The following PCBP2 variants were observed in gnomAD, a reference collection of about 807,000 sequenced individuals.
The protein encoded by PCBP2 is poly(rC) binding protein 2.
PCBP2 carries 4 observed loss-of-function variants against 50.1 expected under a neutral mutation model. The observed-to-expected ratio is 0.08, with a 90% CI of 0.04 to 0.18. The LOEUF (loss-of-function observed/expected upper bound fraction) is 0.18, where lower values mean the gene tolerates loss of function less well. Among genes scored for constraint, PCBP2 ranks in the 10% least tolerant of loss-of-function variants. PCBP2 has a pLI of 1.00. For missense variants in PCBP2, 161 were observed against 474.3 expected (o/e 0.34, Z 6.14); for synonymous variants, 179 against 168.0 (o/e 1.07, Z -0.51).
intron 14 of PCBP2, among the ~76,000 whole-genome samples, chr12:53,473,685 A>G (rs1166828347): frequency 6.6e-6 from 1 of 152,158 alleles, no homozygotes; most frequent in Non-Finnish European, 1.5e-5. Context: ...AGCTTCATCT[A>G]ACACCAAAGC....
chr12:53,468,467 T>TAGACAG, intron 12 of PCBP2: 1 of 381,874 alleles, frequency 2.6e-6, no homozygotes, highest in East Asian at 5.2e-5. Context: ...AGGACTTGTT[T>TAGACAG]AGACATTGGT....
chr12:53,467,126 T>A, intron 10 of PCBP2, 95 bp from the exon 11 acceptor site: 1 of 855,662 alleles, frequency 1.2e-6, no homozygotes. Context: ...TAGAGTCAAT[T>A]TTGGGAATCA....
In PCBP2 at chr12:53,467,300, A is replaced by AT. The variant is rs1941891400; in HGVS notation, c.787+8dup. On this transcript the variant is annotated splice_region_variant and intron_variant, in intron 11 of 14. Coordinates refer to ENST00000546463, the MANE Select transcript of PCBP2 (RefSeq NM_031989.5). ...GGCAACACCGGATTCAGTGGTATGG[A>AT]TACCTCAGTGTTTATTTCTGTAAGG... is the stretch of plus-strand genomic sequence containing the variant. 2 of 1,607,100 alleles carry AT rather than the reference A, an allele frequency of 1.2e-6. No homozygotes were observed. The highest frequency in any genetic ancestry group is 4.5e-5 in the East Asian group (2 of 44,870).
intron 5 of PCBP2, among the ~76,000 whole-genome samples, chr12:53,457,998 G>C (rs900266121): frequency 6.6e-6 from 1 of 151,496 alleles, no homozygotes; most frequent in Non-Finnish European, 1.5e-5. Flanking sequence ...GTGGGTTCCC[G>C]GCTCACCGTA....
intron 4 of PCBP2, among the ~76,000 whole-genome samples, 175 bp from the exon 5 acceptor site, chr12:53,455,710 G>T (rs569196526): frequency 6.6e-6 from 1 of 152,200 alleles, no homozygotes; most frequent in East Asian, 1.9e-4. Flanking sequence ...AAGACTTAAG[G>T]CAGCTGCTGT....
chr12:53,463,653 A>G (rs1045611865), intron 8 of PCBP2, among the ~76,000 whole-genome samples: 17 of 152,262 alleles, frequency 1.1e-4, no homozygotes, highest in African/African-American at 3.9e-4. Flanking sequence ...TATGGGGGGA[A>G]TCCTAGGACT....
intron 7 of PCBP2, 93 bp downstream of exon 7, chr12:53,461,236 G>A (rs1160606748): frequency 2.1e-6 from 3 of 1,396,444 alleles, no homozygotes; most frequent in Admixed American, 4.0e-5. Context: ...ATTAAGTGAG[G>A]CTGTTAAGGC....
At chr12:53,470,378 C>CA (rs754350790) in intron 13 of PCBP2, among the ~76,000 whole-genome samples, 11,334 of 46,908 alleles carry the variant, frequency 0.24, 1,546 homozygotes, top group East Asian at 0.6. Context: ...CTCCGTCTCT[C>CA]AAAAAAAAAA....
At chr12:53,472,005 G>C (rs988696539) in intron 14 of PCBP2, among the ~76,000 whole-genome samples, 198 bp downstream of exon 14, 3 of 46,546 alleles carry the variant, frequency 6.4e-5, no homozygotes, top group African/African-American at 1.0e-4. Flanking sequence ...AGGGGTTGGT[G>C]GGGGGGGGAG....
At chr12:53,469,816 A>G (rs888074675) in intron 13 of PCBP2, among the ~76,000 whole-genome samples, 1 of 129,578 alleles carries the variant, frequency 7.7e-6, no homozygotes, top group African/African-American at 3.0e-5. Flanking sequence ...GGCTTGGCTC[A>G]CTGTGACCTC....
chr12:53,465,778 A>G (rs902489999), intron 9 of PCBP2, among the ~76,000 whole-genome samples, 154 bp from the exon 10 acceptor site: 2 of 152,200 alleles, frequency 1.3e-5, no homozygotes, highest in African/African-American at 4.8e-5. Context: ...GGGTCTGACC[A>G]TATTTGTGAG....
chr12:53,453,385 T>C (rs1340257352), intron 1 of PCBP2: 1 of 152,180 alleles, frequency 6.6e-6, no homozygotes, highest in African/African-American at 2.4e-5. Flanking sequence ...TATTTTTCCA[T>C]GAGTGAAAAG....
intron 4 of PCBP2, among the ~76,000 whole-genome samples, 195 bp downstream of exon 4, chr12:53,455,688 CAG>C (rs1464300894): frequency 6.6e-6 from 1 of 151,420 alleles, no homozygotes; most frequent in Non-Finnish European, 1.5e-5. Flanking sequence ...TTTGACAAGT[CAG>C]AATTCTTTCA....
intron 14 of PCBP2, among the ~76,000 whole-genome samples, chr12:53,473,489 G>A (rs1352909338): frequency 6.6e-6 from 1 of 152,128 alleles, no homozygotes; most frequent in Non-Finnish European, 1.5e-5. Flanking sequence ...CTTTCGATAG[G>A]CTTGCCCTTC....
At chr12:53,464,982 G>A (rs1428482793) in intron 9 of PCBP2, 130 bp downstream of exon 9, 1 of 1,193,076 alleles carries the variant, frequency 8.4e-7, no homozygotes, top group Non-Finnish European at 1.1e-6. Context: ...CGGGGACCTG[G>A]ACTGACCCCC....
At chr12:53,468,904 G>T in intron 13 of PCBP2, 72 bp downstream of exon 13, 16 of 1,020,670 alleles carry the variant, frequency 1.6e-5, no homozygotes, top group Non-Finnish European at 2.4e-5. Context: ...CGTTTCAGCA[G>T]TGTCCTGCTA....
intron 14 of PCBP2, among the ~76,000 whole-genome samples, chr12:53,473,010 G>T (rs1942341981): frequency 6.6e-6 from 1 of 152,060 alleles, no homozygotes; most frequent in Non-Finnish European, 1.5e-5. Context: ...GTTTCATGTT[G>T]GTCAGGCTCG....
chr12:53,473,467 A>AT (rs1455714433), intron 14 of PCBP2, among the ~76,000 whole-genome samples: 2 of 152,194 alleles, frequency 1.3e-5, no homozygotes, highest in Admixed American at 6.5e-5. Flanking sequence ...GAAAGCTGGA[A>AT]TTTGTTTTGT....
chr12:53,475,548 A>AC (rs1291135411), intron 14 of PCBP2: 1 of 143,680 alleles, frequency 7.0e-6, no homozygotes, highest in Non-Finnish European at 1.5e-5. Flanking sequence ...TGCTTCGTTA[A>AC]CTTTTTTTTT....
Sources: allele counts gnomAD v4.1 joint callset (sites outside exome capture counted in the v4.1 genomes callset), GRCh38; gene constraint gnomAD v4.1.1; transcripts MANE v1.5; gene names NCBI Gene and HGNC (gene_info 2026-07-23, HGNC 2026-07-21).